MCF2: variants seen among roughly 807,000 people sequenced by gnomAD.
MCF2 encodes the protein MCF.2 cell line derived transforming sequence.
A neutral mutation model predicts 82.5 loss-of-function variants in MCF2; 44 were observed. That is an observed-to-expected ratio of 0.53 (90% CI 0.42 to 0.69). The LOEUF (loss-of-function observed/expected upper bound fraction) is 0.69, where lower values mean the gene tolerates loss of function less well. Ranked by LOEUF, MCF2 falls within the 30% of genes least tolerant of loss-of-function variation. The pLI is 0.00. For missense variants in MCF2, 623 were observed against 663.1 expected (o/e 0.94, Z 0.66); for synonymous variants, 217 against 224.9 (o/e 0.96, Z 0.32).
At chrX:139,695,077 C>G (rs1448436411) in intron 1 of MCF2, among the ~76,000 whole-genome samples, 2 of 106,500 alleles carry the variant, frequency 1.9e-5, no homozygotes, top group Non-Finnish European at 3.8e-5. Context: ...TTCACCCAGG[C>G]TGGAGTGCAG....
chrX:139,663,004 T>C (rs1232196971), intron 1 of MCF2, among the ~76,000 whole-genome samples: 1 of 112,437 alleles, frequency 8.9e-6, no homozygotes, highest in Non-Finnish European at 1.9e-5. Flanking sequence ...TATTATTCCA[T>C]TGTGTATATA....
intron 2 of MCF2, among the ~76,000 whole-genome samples, chrX:139,651,146 GCCGCTGAACTGTACTC>G (rs1933993192): frequency 2.0e-5 from 2 of 98,973 alleles, no homozygotes; most frequent in South Asian, 7.6e-4. Flanking sequence ...CGTACTTAAT[GCCGCTGAACTGTACTC>G]TTCAAAATGG....
chrX:139,693,443 G>T (rs372796301), intron 1 of MCF2, among the ~76,000 whole-genome samples: 2 of 107,637 alleles, frequency 1.9e-5, no homozygotes, highest in African/African-American at 3.4e-5. Flanking sequence ...TGAGGAAAGT[G>T]GGGATAGGCA....
At chrX:139,631,093 C>G (rs1330285383) in intron 3 of MCF2, among the ~76,000 whole-genome samples, 21 of 111,344 alleles carry the variant, frequency 1.9e-4, no homozygotes, top group Non-Finnish European at 3.8e-4. Context: ...GAATCCAAAC[C>G]CTTCATTTCT....
At chrX:139,600,758 C>A (rs1170639084) in intron 16 of MCF2, among the ~76,000 whole-genome samples, 1 of 111,464 alleles carries the variant, frequency 9.0e-6, no homozygotes, top group Non-Finnish European at 1.9e-5. Flanking sequence ...TGGAAACTTC[C>A]AATGAGCTTT....
chrX:139,667,012 C>T (rs1027481722), intron 1 of MCF2, among the ~76,000 whole-genome samples: 44 of 110,977 alleles, frequency 4.0e-4, no homozygotes, highest in African/African-American at 1.3e-3. Flanking sequence ...TGCTTTCAAA[C>T]GTATTTTGTA....
At chrX:139,597,393 A>C in intron 18 of MCF2, 67 bp downstream of exon 22, 2 of 853,653 alleles carry the variant, frequency 2.3e-6, no homozygotes, top group Non-Finnish European at 3.4e-6. Context: ...AATTGGTTCC[A>C]GGAGGGGAAA....
At chrX:139,633,728 T>A (rs1380170362) in intron 1 of MCF2, among the ~76,000 whole-genome samples, 1 of 111,166 alleles carries the variant, frequency 9.0e-6, no homozygotes, top group African/African-American at 3.3e-5. Context: ...AAATTTGCAT[T>A]TTAGAAAGAT....
chrX:139,693,575 G>T (rs747160510), intron 1 of MCF2, among the ~76,000 whole-genome samples: 6 of 110,698 alleles, frequency 5.4e-5, no homozygotes, highest in Non-Finnish European at 1.1e-4. Context: ...TCTCGGAGTT[G>T]ATTTACATAT....
At position 139,619,649 on chromosome X, in the gene MCF2, CT is replaced by C; in HGVS notation, c.744del (p.Thr250LeufsTer2). On this transcript the variant is annotated frameshift_variant, in exon 7 of 25. Coordinates refer to ENST00000370576, the Ensembl canonical transcript of MCF2. LOFTEE classifies it high-confidence loss of function. ...TTTTGTTTTACTTGAGCTATAGTCC[CT>C]GTTACATCAGCCAGTTCTGCTTGTT... The C allele has an allele frequency of 8.5e-7, 1 of 1,174,674 alleles. No individual in the cohort carries two copies. The highest frequency in any genetic ancestry group is 1.2e-6 in the Non-Finnish European group (1 of 869,384).
chrX:139,673,975 A>T (rs1173786759), intron 1 of MCF2, among the ~76,000 whole-genome samples: 3 of 111,158 alleles, frequency 2.7e-5, no homozygotes, highest in African/African-American at 9.8e-5. Flanking sequence ...GTCTCTAAGG[A>T]CTTGCTTTAT....
At chrX:139,631,355 A>C in intron 3 of MCF2, 40 bp downstream of exon 6, 3 of 744,809 alleles carry the variant, frequency 4.0e-6, no homozygotes, top group Non-Finnish European at 4.0e-6. Flanking sequence ...GGCTAACATG[A>C]AGAACTATAG....
chrX:139,636,029 C>T (rs1445013957), intron 1 of MCF2, among the ~76,000 whole-genome samples: 4 of 110,710 alleles, frequency 3.6e-5, no homozygotes, highest in African/African-American at 1.3e-4. Flanking sequence ...AAAAAGTGGG[C>T]CAAGGACATG....
At chrX:139,678,162 C>CA (rs34809716) in intron 1 of MCF2, among the ~76,000 whole-genome samples, 63 of 110,229 alleles carry the variant, frequency 5.7e-4, no homozygotes, top group African/African-American at 1.6e-3. Context: ...GACCCTGTCT[C>CA]AAAAAAAAAT....
chrX:139,704,082 C>CA (rs75807110), intron 1 of MCF2, among the ~76,000 whole-genome samples: 2,160 of 109,743 alleles, frequency 0.02, 69 homozygotes, highest in East Asian at 0.15. Flanking sequence ...GACTAGGTAT[C>CA]AAAAAAAAAC....
chrX:139,582,114 G>A, exon 25 of MCF2: 1 of 247,388 alleles, frequency 4.0e-6, no homozygotes. Context: ...TAGCCATTTT[G>A]CAGCCGTAAT....
chrX:139,619,814 C>T, intron 6 of MCF2, 108 bp from the exon 10 acceptor site: 1 of 558,631 alleles, frequency 1.8e-6, no homozygotes, highest in Non-Finnish European at 2.7e-6. Context: ...AGAAATTACA[C>T]ATATAAAAAA....
upstream of MCF2, among the ~76,000 whole-genome samples, chrX:139,643,696 C>T (rs1379464288): frequency 7.2e-5 from 8 of 110,693 alleles, no homozygotes; most frequent in African/African-American, 2.6e-4. Flanking sequence ...CCTGGGAATA[C>T]AGAAAGAGGA....
In MCF2 at chrX:139,619,909, G is replaced by T. The variant is rs147258860; in HGVS notation, c.688-203C>A. Among the ~76,000 whole-genome samples the T allele has an allele frequency of 5.1e-3, 558 of 108,735 alleles. 4 individuals carry two copies. The highest frequency in any genetic ancestry group is 0.018 in the African/African-American group (538 of 30,011). 94.4% of individuals were successfully genotyped at this position (108,735 alleles called of 115,157 possible). On this transcript the variant is annotated intron_variant, in intron 6 of 24. Transcript: ENST00000370576. ...CAATGTGTACTCTTGATGTATAAAA[G>T]ATCACCATGTACATGTGTAGGTTCG... is the stretch of plus-strand genomic sequence containing the variant.
Sources: gnomAD v4.1 joint callset for allele counts (sites outside exome capture counted in the v4.1 genomes callset) on GRCh38, gnomAD v4.1.1 for gene constraint, MANE v1.5 for transcripts, NCBI Gene and HGNC (gene_info 2026-07-23, HGNC 2026-07-21) for gene names.